ULK4: variants seen among roughly 807,000 people sequenced by gnomAD.
ULK4 encodes the protein unc-51 like kinase 4.
A neutral mutation model predicts 160.6 loss-of-function variants in ULK4; 133 were observed. That is an observed-to-expected ratio of 0.83 (90% confidence interval 0.72 to 0.96). ULK4 has a LOEUF of 0.96. Among genes scored for constraint, ULK4 ranks in the 40% least tolerant of loss-of-function variants. The probability of loss-of-function intolerance (pLI) is 0.00; values close to 1 mark genes in which losing one functional copy is unlikely to be tolerated. For synonymous variants in ULK4, 534 were observed against 539.8 expected (o/e 0.99, Z 0.15); for missense variants, 1,580 against 1,499.5 (o/e 1.05, Z -0.89).
intron 30 of ULK4, among the ~76,000 whole-genome samples, chr3:41,661,535 G>A (rs2035166291): frequency 6.6e-6 from 1 of 151,412 alleles, no homozygotes; most frequent in African/African-American, 2.4e-5. Flanking sequence ...TAGATAAATA[G>A]ATAGATAAAT....
intron 10 of ULK4, 63 bp from the exon 11 acceptor site, chr3:41,911,449 G>T: frequency 6.3e-7 from 1 of 1,589,982 alleles, no homozygotes; most frequent in South Asian, 1.1e-5. Context: ...AAGGCATAAC[G>T]TACACAAAGA....
At chr3:41,483,897 C>A (rs2084415144) in intron 32 of ULK4, among the ~76,000 whole-genome samples, 1 of 152,210 alleles carries the variant, frequency 6.6e-6, no homozygotes, top group Admixed American at 6.5e-5. Flanking sequence ...AGGAAGGGAC[C>A]AGAAGCCAAA....
At chr3:41,751,255 C>A (rs1048697161) in intron 22 of ULK4, among the ~76,000 whole-genome samples, 5 of 152,134 alleles carry the variant, frequency 3.3e-5, no homozygotes, top group African/African-American at 1.2e-4. Context: ...CAGACAGGGA[C>A]AGATTGGCCC....
At chr3:41,537,724 C>A (rs938895921) in intron 32 of ULK4, among the ~76,000 whole-genome samples, 5 of 152,162 alleles carry the variant, frequency 3.3e-5, no homozygotes, top group Non-Finnish European at 7.4e-5. Context: ...ATTGTCCAGG[C>A]TTTCTTGCTG....
intron 31 of ULK4, among the ~76,000 whole-genome samples, chr3:41,568,913 C>T (rs1291952459): frequency 1.3e-5 from 2 of 152,196 alleles, no homozygotes; most frequent in Admixed American, 6.5e-5. Flanking sequence ...ACTTCTGACC[C>T]GCCAGAGTCA....
intron 34 of ULK4, among the ~76,000 whole-genome samples, chr3:41,408,264 TAA>T (rs1478013071): frequency 6.6e-6 from 1 of 150,940 alleles, no homozygotes; most frequent in Non-Finnish European, 1.5e-5. Context: ...CTGTCTCTAC[TAA>T]AAATAAAAAA....
At chr3:41,832,958 A>C (rs1014650654) in intron 18 of ULK4, among the ~76,000 whole-genome samples, 1 of 151,870 alleles carries the variant, frequency 6.6e-6, no homozygotes, top group Non-Finnish European at 1.5e-5. Context: ...GTTTAAAGTC[A>C]GGCAGTGTGA....
intron 21 of ULK4, among the ~76,000 whole-genome samples, chr3:41,767,140 T>G (rs948606942): frequency 5.3e-5 from 8 of 152,224 alleles, no homozygotes; most frequent in Non-Finnish European, 7.3e-5. Context: ...AATTATTTTG[T>G]TTAGTGAATG....
intron 17 of ULK4, among the ~76,000 whole-genome samples, chr3:41,853,811 T>G (rs913041400): frequency 6.6e-6 from 1 of 152,166 alleles, no homozygotes; most frequent in African/African-American, 2.4e-5. Flanking sequence ...CTTCCCATCT[T>G]CTGCTTCACC....
In ULK4 at chr3:41,585,721, G is replaced by C. The variant is rs2125636568; in HGVS notation, c.3121-19591C>G. Among the ~76,000 whole-genome samples the C allele has an allele frequency of 1.3e-5, 2 of 152,182 alleles. 1 individual carries two copies. The highest frequency in any genetic ancestry group is 3.9e-4 in the East Asian group (2 of 5,164). ...TTCATCAAACCAAACAATCAACAGA[G>C]AGAAAAGACAACCTATGAAATGAGA... On this transcript the variant is annotated intron_variant, in intron 31 of 36. Coordinates refer to ENST00000301831, the MANE Select transcript of ULK4 (RefSeq NM_017886.4).
intron 35 of ULK4, among the ~76,000 whole-genome samples, chr3:41,265,680 A>G (rs920789975): frequency 6.6e-6 from 1 of 152,188 alleles, no homozygotes; most frequent in Admixed American, 6.5e-5. Flanking sequence ...ACATTTTATA[A>G]TGACCGTTTT....
chr3:41,937,291 T>C (rs373506025), intron 3 of ULK4: 14 of 686,682 alleles, frequency 2.0e-5, no homozygotes, highest in Non-Finnish European at 2.9e-5. Flanking sequence ...TGTGTCTTGA[T>C]AACCTTGTCC....
chr3:41,439,083 T>C (rs1371017028), intron 34 of ULK4, among the ~76,000 whole-genome samples: 2 of 151,108 alleles, frequency 1.3e-5, no homozygotes, highest in East Asian at 3.9e-4. Context: ...GAAATGGGGG[T>C]TGGGGTTCCC....
chr3:41,592,558 G>A (rs754137365), intron 31 of ULK4, among the ~76,000 whole-genome samples: 4 of 151,762 alleles, frequency 2.6e-5, no homozygotes, highest in Non-Finnish European at 4.4e-5. Context: ...AATAACCTAT[G>A]GAAATAAAAA....
intron 30 of ULK4, among the ~76,000 whole-genome samples, chr3:41,631,980 G>C (rs1273357513): frequency 6.6e-6 from 1 of 152,154 alleles, no homozygotes; most frequent in Non-Finnish European, 1.5e-5. Flanking sequence ...TCTGGGTCCT[G>C]AGCCTTCACT....
In ULK4 at chr3:41,911,378, T is replaced by A; in HGVS notation, c.1024A>T (p.Thr342Ser). The change falls in exon 11 of 37, where the codon ACT (threonine) becomes TCT (serine). Residue 342 changes from threonine to serine, a missense_variant. Coordinates refer to ENST00000301831, the MANE Select transcript of ULK4 (RefSeq NM_017886.4). ...LGHSFRLENP[T>S]EFRPKSTLEG... ...AGAGTACTCTTAGGCCGAAACTCAG[T>A]TGGATTTTCTGTAGCAGGAAAGTAA... is the stretch of plus-strand genomic sequence containing the variant. The A allele has an allele frequency of 6.2e-7, 1 of 1,614,096 alleles. No homozygotes were observed.
chr3:41,871,520 A>G (rs1452248656), intron 17 of ULK4, among the ~76,000 whole-genome samples: 1 of 152,210 alleles, frequency 6.6e-6, no homozygotes, highest in African/African-American at 2.4e-5. Flanking sequence ...CCTTGACAGC[A>G]CTTGGTGCTG....
chr3:41,740,639 T>C (rs775543024), intron 22 of ULK4, among the ~76,000 whole-genome samples: 1 of 151,882 alleles, frequency 6.6e-6, no homozygotes, highest in Non-Finnish European at 1.5e-5. Flanking sequence ...ATGTAATCCA[T>C]AAAAGGCCAA....
intron 21 of ULK4, among the ~76,000 whole-genome samples, chr3:41,765,626 A>T (rs2039137196): frequency 6.6e-6 from 1 of 152,158 alleles, no homozygotes; most frequent in African/African-American, 2.4e-5. Flanking sequence ...AGTATATTTA[A>T]GACTCTAGAA....
Sources: gnomAD v4.1 joint callset for allele counts (sites outside exome capture counted in the v4.1 genomes callset) on GRCh38, gnomAD v4.1.1 for gene constraint, MANE v1.5 for transcripts, NCBI Gene and HGNC (gene_info 2026-07-23, HGNC 2026-07-21) for gene names.